Variants in TMEM108 observed in about 807,000 individuals in gnomAD.
TMEM108 encodes cancer/testis antigen 124.
TMEM108 carries 12 observed loss-of-function variants against 35.1 expected under a neutral mutation model. The observed-to-expected ratio is 0.34, with a 90% CI of 0.22 to 0.55. The LOEUF is 0.55. TMEM108 is among the 20% of genes least tolerant of loss of function. TMEM108 has a pLI of 0.89. For synonymous variants in TMEM108, 287 were observed against 308.6 expected, an observed-to-expected ratio of 0.93 and a Z score of 0.73; for missense variants, 680 against 753.3, an observed-to-expected ratio of 0.90 and a Z score of 1.14.
intron 3 of TMEM108, among the ~76,000 whole-genome samples, chr3:133,361,303 G>A (rs1473491528): frequency 2.0e-5 from 3 of 152,212 alleles, no homozygotes; most frequent in Non-Finnish European, 4.4e-5. Flanking sequence ...GTCCTGGACT[G>A]TGGCTCAGCT....
At chr3:133,364,026 C>T (rs2072433639) in intron 3 of TMEM108, among the ~76,000 whole-genome samples, 4 of 152,208 alleles carry the variant, frequency 2.6e-5, no homozygotes, top group Admixed American at 2.0e-4. Flanking sequence ...ATAATGCTTA[C>T]TGTGTACCAG....
chr3:133,318,854 G>A (rs1259036511), intron 3 of TMEM108, among the ~76,000 whole-genome samples: 1 of 147,500 alleles, frequency 6.8e-6, no homozygotes, highest in Non-Finnish European at 1.5e-5. Flanking sequence ...CACTGCAGGA[G>A]CATAACAGGA....
chr3:133,344,861 G>A (rs1559915447), intron 3 of TMEM108, among the ~76,000 whole-genome samples: 4 of 151,550 alleles, frequency 2.6e-5, no homozygotes, highest in Non-Finnish European at 4.4e-5. Context: ...AATCTCCTAG[G>A]AAAAAAATCA....
At chr3:133,305,127 C>T (rs1227923414) in intron 3 of TMEM108, among the ~76,000 whole-genome samples, 4 of 151,400 alleles carry the variant, frequency 2.6e-5, no homozygotes, top group Non-Finnish European at 4.4e-5. Context: ...GCCTATGAGC[C>T]ACATTTTCTT....
chr3:133,064,417 A>G (rs1943571059), intron 2 of TMEM108, among the ~76,000 whole-genome samples: 1 of 152,198 alleles, frequency 6.6e-6, no homozygotes, highest in Admixed American at 6.5e-5. Context: ...TAATATCTTT[A>G]TTCTTTATGT....
rs985792544 is a variant in TMEM108, at chr3:133,168,900, C to T, written c.-46-60366C>T. Among the ~76,000 whole-genome samples, 5 of 149,908 alleles carry T rather than the reference C, an allele frequency of 3.3e-5. No homozygotes were observed. The South Asian group carries it at 6.3e-4, about 19-fold the overall frequency. On this transcript the variant is annotated intron_variant, in intron 2 of 5. Coordinates refer to ENST00000321871, the MANE Select transcript of TMEM108 (RefSeq NM_023943.4). ...CGGGAGGAAGGAACAACTCTGGATGCGCCGCCTTTATGAGCTGTAACACTC... is the reference window on the plus strand; with the variant it reads ...CGGGAGGAAGGAACAACTCTGGATGTGCCGCCTTTATGAGCTGTAACACTC...
intron 3 of TMEM108, among the ~76,000 whole-genome samples, chr3:133,253,084 T>G (rs1286414520): frequency 6.6e-6 from 1 of 152,172 alleles, no homozygotes; most frequent in Non-Finnish European, 1.5e-5. Flanking sequence ...GGCATTTTAT[T>G]GCAAGGAACT....
In TMEM108 at chr3:133,381,155, T is replaced by G. The variant is rs748020781; in HGVS notation, c.1444T>G (p.Ser482Ala). 1.3e-5 allele frequency: 21 copies of G among 1,597,118 alleles called. No individual in the cohort carries two copies. Among genetic ancestry groups the G allele is most frequent in the Non-Finnish European group, 1.7e-5 (20 of 1,168,564 alleles). The change falls in exon 4 of 6, where the codon TCC (serine) becomes GCC (alanine). Residue 482 changes from serine (S) to alanine (A), a missense_variant. Physicochemically the swap from Ser to Ala is moderately conservative, Grantham distance 99. Coordinates refer to ENST00000321871, the MANE Select transcript of TMEM108 (RefSeq NM_023943.4). ...VILAISVPIS[S>A]CSVLLTVCCM... Reference sequence around the variant, plus strand: ...CCTGGCCATCAGCGTGCCCATCTCCTCCTGCTGTAAGTGCCGCCCTCTCCC... The same window carrying G: ...CCTGGCCATCAGCGTGCCCATCTCCGCCTGCTGTAAGTGCCGCCCTCTCCC...
intron 2 of TMEM108, among the ~76,000 whole-genome samples, chr3:133,055,227 C>T (rs1943452491): frequency 6.6e-6 from 1 of 152,192 alleles, no homozygotes; most frequent in Non-Finnish European, 1.5e-5. Context: ...TAGATAACCA[C>T]ACGTTGCCAG....
intron 3 of TMEM108, chr3:133,248,263 C>T (rs1285027483): frequency 6.6e-6 from 1 of 152,004 alleles, no homozygotes; most frequent in Non-Finnish European, 1.5e-5. Context: ...CCTGACAAGC[C>T]TGTTGATAGG....
At chr3:133,125,005 T>C (rs1203689883) in intron 2 of TMEM108, 1 of 152,132 alleles carries the variant, frequency 6.6e-6, no homozygotes, top group Non-Finnish European at 1.5e-5. Flanking sequence ...TATGGGGAGC[T>C]CTTATGCTAC....
chr3:133,255,995 C>A (rs916967838), intron 3 of TMEM108, among the ~76,000 whole-genome samples: 2 of 151,964 alleles, frequency 1.3e-5, no homozygotes, highest in African/African-American at 4.8e-5. Flanking sequence ...GTCTCCTTCT[C>A]AAAAATAAAT....
intron 3 of TMEM108, among the ~76,000 whole-genome samples, chr3:133,277,831 G>C (rs1304101528): frequency 6.6e-6 from 1 of 152,152 alleles, no homozygotes; most frequent in Non-Finnish European, 1.5e-5. Context: ...ACCATGACTT[G>C]ATGGCTCCAG....
intron 2 of TMEM108, among the ~76,000 whole-genome samples, chr3:133,187,758 G>T (rs551990402): frequency 6.6e-6 from 1 of 151,978 alleles, no homozygotes; most frequent in Admixed American, 6.6e-5. Context: ...AAGGAAGGAA[G>T]GGAGGAAGGG....
At chr3:133,224,499 G>C (rs1946039037) in intron 2 of TMEM108, among the ~76,000 whole-genome samples, 1 of 152,124 alleles carries the variant, frequency 6.6e-6, no homozygotes, top group South Asian at 2.1e-4. Flanking sequence ...CACATGTTGT[G>C]GGAAGGGGGA....
At chr3:133,306,397 A>G (rs767573529) in intron 3 of TMEM108, among the ~76,000 whole-genome samples, 1 of 152,130 alleles carries the variant, frequency 6.6e-6, no homozygotes, top group African/African-American at 2.4e-5. Context: ...TTTAAGTTCT[A>G]GGGTACATGT....
At chr3:133,386,010 G>A (rs2073139038) in intron 4 of TMEM108, among the ~76,000 whole-genome samples, 1 of 152,214 alleles carries the variant, frequency 6.6e-6, no homozygotes, top group Admixed American at 6.5e-5. Flanking sequence ...AGGAGAGGGA[G>A]AAGGAAAGAG....
At chr3:133,285,834 G>A (rs542178366) in intron 3 of TMEM108, among the ~76,000 whole-genome samples, 87 of 152,232 alleles carry the variant, frequency 5.7e-4, no homozygotes, top group African/African-American at 1.9e-3. Context: ...CTTTCTGTTC[G>A]TTCTGGCCCT....
At chr3:133,175,743 G>T (rs1358333998) in intron 2 of TMEM108, among the ~76,000 whole-genome samples, 3 of 152,240 alleles carry the variant, frequency 2.0e-5, no homozygotes, top group Non-Finnish European at 4.4e-5. Context: ...GACCATCAAT[G>T]CTAGGAAGAA....
Sources: allele counts gnomAD v4.1 joint callset (sites outside exome capture counted in the v4.1 genomes callset), GRCh38; gene constraint gnomAD v4.1.1; transcripts MANE v1.5; gene names NCBI Gene and HGNC (gene_info 2026-07-23, HGNC 2026-07-21).